Variants in ATP9A observed in about 807,000 individuals in gnomAD.
The protein encoded by ATP9A is probable phospholipid-transporting ATPase IIA.
In ATP9A, 52 loss-of-function variants were observed where a neutral mutation model predicts 144.1. The ratio of observed to expected loss-of-function variants is 0.36; its 90% confidence interval spans 0.29 to 0.45. ATP9A has a LOEUF of 0.45. Ranked by LOEUF, ATP9A falls within the 20% of genes least tolerant of loss-of-function variation. The pLI is 1.00. For missense variants in ATP9A, 947 were observed against 1,392.7 expected (o/e 0.68, Z 5.09); for synonymous variants, 582 against 557.4 (o/e 1.04, Z -0.62).
chr20:51,667,571 G>C (rs1250009233), intron 13 of ATP9A, among the ~76,000 whole-genome samples: 1 of 152,152 alleles, frequency 6.6e-6, no homozygotes. Context: ...CATGGGAAAG[G>C]GGAGGGGATG....
intron 1 of ATP9A, among the ~76,000 whole-genome samples, chr20:51,743,368 G>A (rs2122891808): frequency 6.6e-6 from 1 of 150,498 alleles, no homozygotes; most frequent in Admixed American, 6.6e-5. Context: ...CAGACAGGCT[G>A]GGGAGATGGG....
At chr20:51,685,216 G>C (rs1051739992) in intron 9 of ATP9A, among the ~76,000 whole-genome samples, 1 of 152,040 alleles carries the variant, frequency 6.6e-6, no homozygotes, top group African/African-American at 2.4e-5. Flanking sequence ...AAGAAGAAGA[G>C]GCAAGTTTCC....
chr20:51,729,751 A>AACATG (rs11280859), intron 2 of ATP9A, 83 bp downstream of exon 2: 34,843 of 1,399,676 alleles, frequency 0.025, 1,446 homozygotes, highest in African/African-American at 0.19. Context: ...TCTAAAAAAT[A>AACATG]ACATGACATG....
chr20:51,643,188 A>G (rs2077328062), intron 14 of ATP9A, among the ~76,000 whole-genome samples: 2 of 152,206 alleles, frequency 1.3e-5, no homozygotes, highest in Non-Finnish European at 2.9e-5. Flanking sequence ...GTCAGCCAGC[A>G]CTAACGAGCT....
At chr20:51,700,360 C>G (rs975600888) in intron 4 of ATP9A, among the ~76,000 whole-genome samples, 4 of 152,112 alleles carry the variant, frequency 2.6e-5, no homozygotes, top group African/African-American at 9.7e-5. Context: ...GTCTCTACAA[C>G]AAACACAAAA....
At chr20:51,678,567 C>T (rs1280354613) in intron 9 of ATP9A, among the ~76,000 whole-genome samples, 1 of 152,190 alleles carries the variant, frequency 6.6e-6, no homozygotes, top group Non-Finnish European at 1.5e-5. Context: ...GGTGGCTTCT[C>T]GGCAGATGGC....
intron 3 of ATP9A, among the ~76,000 whole-genome samples, chr20:51,719,599 G>A (rs555685154): frequency 3.9e-5 from 6 of 152,114 alleles, no homozygotes; most frequent in Non-Finnish European, 7.4e-5. Flanking sequence ...TGGGCGTGGT[G>A]GCACGCACCT....
chr20:51,753,867 T>G lies in ATP9A; in HGVS notation c.68+14435A>C, dbSNP rs377663653. Among the ~76,000 whole-genome samples, 39 of 151,414 alleles carry G rather than the reference T, an allele frequency of 2.6e-4. No homozygotes were observed. In the East Asian group the frequency reaches 7.1e-3, roughly 28 times the overall value. On this transcript the variant is annotated intron_variant, in intron 1 of 27. Transcript: ENST00000338821. ...TTTTTTTTTCCAGTAGAGACAGGTT[T>G]TCACCATGTTGGACAGGCTGGACTC... is the stretch of plus-strand genomic sequence containing the variant.
At chr20:51,674,086 T>C (rs1370989111) in intron 11 of ATP9A, 67 bp downstream of exon 11, 10 of 1,509,038 alleles carry the variant, frequency 6.6e-6, no homozygotes, top group South Asian at 1.2e-5. Context: ...CACAGAACCA[T>C]CATCTTTGAA....
In ATP9A at chr20:51,756,916, G is replaced by GT. The variant is rs1007642435; in HGVS notation, c.68+11385dup. Among the ~76,000 whole-genome samples the GT allele has an allele frequency of 8.6e-3, 1,278 of 149,338 alleles. 12 individuals carry two copies. Among genetic ancestry groups the GT allele is most frequent in the Non-Finnish European group, 0.011 (751 of 67,118 alleles). On this transcript the variant is annotated intron_variant, in intron 1 of 27. Coordinates refer to ENST00000338821, the MANE Select transcript of ATP9A (RefSeq NM_006045.3). ...TGTCTTGAGTTTTGTTTTCGGTTTTGTTTTTTTTTTAAAAAGACAGGATGA... is the reference window on the plus strand; with the variant it reads ...TGTCTTGAGTTTTGTTTTCGGTTTTGTTTTTTTTTTTAAAAAGACAGGATGA...
intron 1 of ATP9A, among the ~76,000 whole-genome samples, chr20:51,766,950 C>T (rs548749975): frequency 1.4e-4 from 22 of 152,168 alleles, no homozygotes; most frequent in Non-Finnish European, 2.9e-4. Context: ...TGCAGTCTTC[C>T]CTATAGCCCT....
chr20:51,607,459 G>A lies in ATP9A; in HGVS notation c.2803+68C>T, dbSNP rs988594322. 8 of 1,380,516 alleles carry A rather than the reference G, an allele frequency of 5.8e-6. No individual in the cohort carries two copies. The Admixed American group carries it at 1.1e-4, about 19-fold the overall frequency. 85.5% of individuals were successfully genotyped at this position (1,380,516 alleles called of 1,614,324 possible). Reference sequence around the variant, plus strand: ...TCGTTTCTTCTCTTCTTGTTCTACAGGCAAGAAGGGGACACCCTGAGTCAG... The same window carrying A: ...TCGTTTCTTCTCTTCTTGTTCTACAAGCAAGAAGGGGACACCCTGAGTCAG... On this transcript the variant is annotated intron_variant, in intron 26 of 27. Transcript: ENST00000338821.
chr20:51,620,494 A>G (rs886707521), intron 19 of ATP9A, among the ~76,000 whole-genome samples: 1 of 152,064 alleles, frequency 6.6e-6, no homozygotes, highest in Non-Finnish European at 1.5e-5. Context: ...GTGCGTTTCT[A>G]CTTAAAGACA....
At chr20:51,707,812 AC>A (rs2077620906) in intron 4 of ATP9A, among the ~76,000 whole-genome samples, 1 of 152,122 alleles carries the variant, frequency 6.6e-6, no homozygotes, top group Non-Finnish European at 1.5e-5. Context: ...TGATGCAGAA[AC>A]CTAGCATAGA....
chr20:51,633,323 G>C (rs1368934108), intron 15 of ATP9A, among the ~76,000 whole-genome samples: 1 of 152,174 alleles, frequency 6.6e-6, no homozygotes, highest in African/African-American at 2.4e-5. Flanking sequence ...AGGAAGTTTA[G>C]GAAGCCTTCT....
At chr20:51,668,098 G>C (rs1477623754) in intron 13 of ATP9A, among the ~76,000 whole-genome samples, 1 of 37,770 alleles carries the variant, frequency 2.6e-5, no homozygotes, top group Non-Finnish European at 6.4e-5. Context: ...GGGGGGGGGG[G>C]GGGCGGAAGG....
At chr20:51,687,500 G>T (rs892525958) in intron 9 of ATP9A, among the ~76,000 whole-genome samples, 37 of 152,152 alleles carry the variant, frequency 2.4e-4, no homozygotes, top group African/African-American at 8.4e-4. Flanking sequence ...AGGCAAGGTG[G>T]TTTACACCTA....
At chr20:51,755,556 A>G (rs1488276602) in intron 1 of ATP9A, among the ~76,000 whole-genome samples, 1 of 152,246 alleles carries the variant, frequency 6.6e-6, no homozygotes, top group Non-Finnish European at 1.5e-5. Context: ...GCTTGGTGGA[A>G]GTATAAATTA....
chr20:51,632,615 G>A (rs934895648), intron 15 of ATP9A, among the ~76,000 whole-genome samples: 3 of 152,126 alleles, frequency 2.0e-5, no homozygotes, highest in Admixed American at 6.6e-5. Flanking sequence ...AGACATTCTC[G>A]AATGCCCCCA....
Sources: gnomAD v4.1 joint callset for allele counts (sites outside exome capture counted in the v4.1 genomes callset) on GRCh38, gnomAD v4.1.1 for gene constraint, MANE v1.5 for transcripts, NCBI Gene and HGNC (gene_info 2026-07-23, HGNC 2026-07-21) for gene names.